The following ZCWPW2 variants were observed in gnomAD, a reference collection of about 807,000 sequenced individuals.
ZCWPW2 encodes zinc finger CW-type PWWP domain protein 2.
Under a neutral mutation model 46.6 loss-of-function variants are expected in ZCWPW2, and 45 were observed. The ratio of observed to expected loss-of-function variants is 0.96; its 90% CI spans 0.76 to 1.24. The LOEUF is 1.24. ZCWPW2 is among the 50% of genes most tolerant of loss of function. The pLI is 0.00. For synonymous variants in ZCWPW2, 152 were observed against 137.1 expected (o/e 1.11, Z -0.76); for missense variants, 429 against 403.9 (o/e 1.06, Z -0.53).
At chr3:28,427,247 G>A (rs907729831) in intron 3 of ZCWPW2, among the ~76,000 whole-genome samples, 5 of 152,200 alleles carry the variant, frequency 3.3e-5, no homozygotes, top group Admixed American at 3.3e-4. Context: ...AGTGCACAAT[G>A]CATTATCATG....
chr3:28,461,608 T>A (rs560232555), intron 4 of ZCWPW2: 1 of 152,278 alleles, frequency 6.6e-6, no homozygotes, highest in South Asian at 2.1e-4. Context: ...GACTGGGTTG[T>A]TTTTCATGCC....
intron 4 of ZCWPW2, among the ~76,000 whole-genome samples, chr3:28,469,804 T>C (rs1406561425): frequency 6.6e-6 from 1 of 151,902 alleles, no homozygotes; most frequent in Non-Finnish European, 1.5e-5. Flanking sequence ...GCTAAAGAGA[T>C]AGATAGGTCC....
chr3:28,403,898 A>T (rs952884197), intron 2 of ZCWPW2, among the ~76,000 whole-genome samples: 2 of 152,214 alleles, frequency 1.3e-5, no homozygotes, highest in African/African-American at 4.8e-5. Flanking sequence ...TCAACTCAAG[A>T]TGGATTAAGG....
At chr3:28,399,920 A>G (rs979159426) in intron 2 of ZCWPW2, among the ~76,000 whole-genome samples, 4 of 152,110 alleles carry the variant, frequency 2.6e-5, no homozygotes, top group African/African-American at 9.7e-5. Context: ...ATGGATCCAA[A>G]CCAAGAAGAA....
intron 3 of ZCWPW2, among the ~76,000 whole-genome samples, chr3:28,426,227 A>G (rs1187248485): frequency 6.6e-6 from 1 of 151,970 alleles, no homozygotes; most frequent in African/African-American, 2.4e-5. Context: ...AACTCTCCAC[A>G]ATGTTTAAGC....
chr3:28,432,963 T>C (rs1697328749), intron 3 of ZCWPW2, among the ~76,000 whole-genome samples: 1 of 152,180 alleles, frequency 6.6e-6, no homozygotes, highest in Non-Finnish European at 1.5e-5. Context: ...GAAAGGCCTT[T>C]TGTTATTTTA....
At chr3:28,482,867 G>T (rs902171668) in intron 5 of ZCWPW2, among the ~76,000 whole-genome samples, 1 of 152,024 alleles carries the variant, frequency 6.6e-6, no homozygotes, top group African/African-American at 2.4e-5. Context: ...TTGCTGCAGA[G>T]GTTTTAAGAG....
At chr3:28,461,361 A>G (rs1438440507) in intron 4 of ZCWPW2, among the ~76,000 whole-genome samples, 1 of 152,090 alleles carries the variant, frequency 6.6e-6, no homozygotes, top group African/African-American at 2.4e-5. Context: ...TTGACATTAG[A>G]CACACATTTT....
chr3:28,428,970 G>A (rs1697134965), intron 3 of ZCWPW2, among the ~76,000 whole-genome samples: 1 of 152,142 alleles, frequency 6.6e-6, no homozygotes, highest in African/African-American at 2.4e-5. Context: ...TTTCTTCATA[G>A]CAGCATGACA....
At chr3:28,521,696 T>C (rs1390898528) in intron 9 of ZCWPW2, among the ~76,000 whole-genome samples, 2 of 152,340 alleles carry the variant, frequency 1.3e-5, no homozygotes, top group African/African-American at 4.8e-5. Context: ...AAAATGAGTT[T>C]GTGATACAAG....
chr3:28,365,145 A>G (rs967920669), intron 1 of ZCWPW2, among the ~76,000 whole-genome samples: 1 of 150,712 alleles, frequency 6.6e-6, no homozygotes, highest in South Asian at 2.1e-4. Flanking sequence ...GAAGCTCTTT[A>G]GTTTAATTAG....
chr3:28,496,110 C>T (rs1575208463), intron 6 of ZCWPW2, among the ~76,000 whole-genome samples: 2 of 151,868 alleles, frequency 1.3e-5, no homozygotes, highest in Admixed American at 6.6e-5. Context: ...AAATGGTTCT[C>T]GAAATTATCG....
chr3:28,359,363 A>G (rs1254283241), intron 1 of ZCWPW2, among the ~76,000 whole-genome samples: 1 of 152,154 alleles, frequency 6.6e-6, no homozygotes, highest in Non-Finnish European at 1.5e-5. Context: ...AAAACACAGT[A>G]TAAAGAGTCT....
Position 28,402,122 on chromosome 3 carries a change from A to G in ZCWPW2, c.-13-10934A>G, listed in dbSNP as rs561157234. 5.3e-5 allele frequency among the ~76,000 whole-genome samples: 8 copies of G among 152,174 alleles called. No individual in the cohort carries two copies. In the South Asian group the frequency reaches 1.0e-3, roughly 20 times the overall value. ...AAACAAACAAAAAAATACAAAAGAT[A>G]GATGAATCAAAAAGCTAGTTCTTTG... On this transcript the variant is annotated intron_variant, in intron 2 of 9. Transcript: ENST00000383768.
intron 6 of ZCWPW2, among the ~76,000 whole-genome samples, chr3:28,498,238 CGTGTGTGTGTGTGT>C (rs56760870): frequency 1.4e-5 from 2 of 145,488 alleles, no homozygotes; most frequent in African/African-American, 2.5e-5. Context: ...TACATATATA[CGTGTGTGTGTGTGT>C]GTGTGTGTGT....
At chr3:28,368,219 T>C (rs981603766) in intron 1 of ZCWPW2, among the ~76,000 whole-genome samples, 1 of 152,200 alleles carries the variant, frequency 6.6e-6, no homozygotes, top group African/African-American at 2.4e-5. Flanking sequence ...GCTCCTTAGT[T>C]GATGCAGTTT....
intron 1 of ZCWPW2, among the ~76,000 whole-genome samples, chr3:28,383,808 T>G (rs961371078): frequency 6.6e-6 from 1 of 152,190 alleles, no homozygotes; most frequent in African/African-American, 2.4e-5. Context: ...AAAAAGTCAG[T>G]TCACACTTTT....
intron 5 of ZCWPW2, among the ~76,000 whole-genome samples, chr3:28,482,569 T>G (rs1021902407): frequency 6.6e-5 from 10 of 152,204 alleles, no homozygotes; most frequent in African/African-American, 2.4e-4. Context: ...TTAAAGAAAC[T>G]ACCAAACTGT....
At chr3:28,521,792 TG>T (rs1305713775) in intron 9 of ZCWPW2, among the ~76,000 whole-genome samples, 1 of 152,124 alleles carries the variant, frequency 6.6e-6, no homozygotes, top group Non-Finnish European at 1.5e-5. Context: ...GCAATGCAGC[TG>T]TTCCCTAACT....
Sources: allele counts gnomAD v4.1 joint callset (sites outside exome capture counted in the v4.1 genomes callset), GRCh38; gene constraint gnomAD v4.1.1; transcripts MANE v1.5; gene names NCBI Gene and HGNC (gene_info 2026-07-23, HGNC 2026-07-21).